The following ZNF704 variants were observed in gnomAD, a reference collection of about 807,000 sequenced individuals.
ZNF704 encodes the protein glucocorticoid induced gene 1.
Under a neutral mutation model 44.7 loss-of-function variants are expected in ZNF704, and 10 were observed. That is an observed-to-expected ratio of 0.22 (90% CI 0.14 to 0.38). The LOEUF is 0.38. ZNF704 is among the 10% of genes least tolerant of loss of function. ZNF704 has a pLI of 1.00. For missense variants in ZNF704, 390 were observed against 545.5 expected (o/e 0.71, Z 2.84); for synonymous variants, 211 against 207.6 (o/e 1.02, Z -0.14).
intron 2 of ZNF704, among the ~76,000 whole-genome samples, chr8:80,734,604 T>C (rs1272638632): frequency 6.6e-6 from 1 of 152,210 alleles, no homozygotes; most frequent in African/African-American, 2.4e-5. Context: ...TATATGTATA[T>C]TTGCAGATAA....
At chr8:80,767,622 T>C (rs1328488395) in intron 2 of ZNF704, among the ~76,000 whole-genome samples, 1 of 152,156 alleles carries the variant, frequency 6.6e-6, no homozygotes, top group African/African-American at 2.4e-5. Flanking sequence ...GTGTAAGCAA[T>C]AACCCTGAAC....
chr8:80,743,014 T>C (rs937076264), intron 2 of ZNF704, among the ~76,000 whole-genome samples: 7 of 151,982 alleles, frequency 4.6e-5, no homozygotes, highest in African/African-American at 1.7e-4. Flanking sequence ...AAATGCTAAT[T>C]AGGCAAAAAC....
At chr8:80,880,691 C>A in the ZNF704 span, among the ~76,000 whole-genome samples, 4,098 of 152,078 alleles carry the variant, frequency 0.027, 204 homozygotes, top group African/African-American at 0.095. Flanking sequence ...TTTTTATAAC[C>A]TCTAGGGAAT....
chr8:80,730,159 T>G (rs1806554229), intron 2 of ZNF704, among the ~76,000 whole-genome samples: 1 of 152,244 alleles, frequency 6.6e-6, no homozygotes, highest in African/African-American at 2.4e-5. Context: ...GTAATTCCTG[T>G]GAAATCATTT....
At chr8:80,768,474 A>C (rs1338717356) in intron 2 of ZNF704, among the ~76,000 whole-genome samples, 1 of 152,170 alleles carries the variant, frequency 6.6e-6, no homozygotes, top group Non-Finnish European at 1.5e-5. Flanking sequence ...ATTCAATAAT[A>C]ATAAGGCATA....
chr8:80,828,431 T>C (rs1383402726), intron 1 of ZNF704, among the ~76,000 whole-genome samples: 1 of 152,156 alleles, frequency 6.6e-6, no homozygotes, highest in Non-Finnish European at 1.5e-5. Flanking sequence ...TAAAGTCCTA[T>C]TGTACAAAGA....
In ZNF704 at chr8:80,635,739, C is replaced by T. The variant is rs1454760970; in HGVS notation, c.*5627G>A. 1 of 152,158 alleles carries T rather than the reference C, an allele frequency of 6.6e-6. No homozygotes were observed. The highest frequency in any genetic ancestry group is 2.4e-5 in the African/African-American group (1 of 41,446). 9.4% of individuals were successfully genotyped at this position (152,158 alleles called of 1,614,324 possible). A position where few individuals can be genotyped will look rare whatever the true frequency, so the allele number is the denominator to read the frequency against. On this transcript the variant is annotated 3_prime_UTR_variant, in exon 9 of 9. Transcript: ENST00000327835. ...TTTAGATTTAAAATATATAAAATGA[C>T]TCTTCAGGCATCTTTTTCCATACTT... is the stretch of plus-strand genomic sequence containing the variant.
chr8:80,766,759 C>G (rs1490082553), intron 2 of ZNF704, among the ~76,000 whole-genome samples: 1 of 152,154 alleles, frequency 6.6e-6, no homozygotes, highest in African/African-American at 2.4e-5. Flanking sequence ...GTGACCCAGG[C>G]TGGAGTGCAG....
chr8:80,791,691 C>T (rs1257964025), intron 2 of ZNF704, among the ~76,000 whole-genome samples: 1 of 151,842 alleles, frequency 6.6e-6, no homozygotes, highest in African/African-American at 2.4e-5. Context: ...AGTCTCCACT[C>T]TGTCTACAGT....
At chr8:80,812,323 C>A in intron 2 of ZNF704, 2 of 188,434 alleles carry the variant, frequency 1.1e-5, no homozygotes, top group South Asian at 2.7e-4. Context: ...GGCTGCTTGT[C>A]ATCTGCAGCA....
upstream of ZNF704, among the ~76,000 whole-genome samples, chr8:80,878,700 CCTGT>C (rs1339394832): frequency 6.6e-6 from 1 of 152,160 alleles, no homozygotes; most frequent in African/African-American, 2.4e-5. Context: ...AGGCTGAAAG[CCTGT>C]CTAAGTCAAG....
chr8:80,672,826 G>C (rs1415668396), intron 4 of ZNF704, among the ~76,000 whole-genome samples: 1 of 152,012 alleles, frequency 6.6e-6, no homozygotes, highest in Non-Finnish European at 1.5e-5. Context: ...TTCACTACCT[G>C]GGTGATAGGC....
chr8:80,631,603 A>G lies in ZNF704; in HGVS notation c.*9763T>C, dbSNP rs928762738. 8 of 152,216 alleles carry G rather than the reference A, an allele frequency of 5.3e-5. No individual in the cohort carries two copies. The highest frequency in any genetic ancestry group is 1.7e-4 in the African/African-American group (7 of 41,444). The allele number at this position is 152,216 out of a possible 1,614,324, so 9.4% of individuals were successfully genotyped here. Reference sequence around the variant, plus strand: ...CATTCCTGGTTCTGATCACTCTATTAGCCTCGCACGTGGAGAGGACCGGTA... The same window carrying G: ...CATTCCTGGTTCTGATCACTCTATTGGCCTCGCACGTGGAGAGGACCGGTA... On this transcript the variant is annotated 3_prime_UTR_variant, in exon 9 of 9. Transcript: ENST00000327835.
intron 2 of ZNF704, among the ~76,000 whole-genome samples, chr8:80,750,531 T>C (rs1806923292): frequency 6.6e-6 from 1 of 152,130 alleles, no homozygotes; most frequent in Admixed American, 6.6e-5. Context: ...TTTTCTTTTT[T>C]TGAGAAGTTG....
At chr8:80,876,485 G>C, upstream of ZNF704, among the ~76,000 whole-genome samples, 1 of 152,158 alleles carries the variant, frequency 6.6e-6, no homozygotes, top group East Asian at 1.9e-4. Context: ...GGAAAGATCG[G>C]GGCAAGGGGT....
rs181542290 is a variant in ZNF704 at position 80,693,123 on chromosome 8, G to A, written c.222-16C>T. 3.2e-3 allele frequency: 5,061 copies of A among 1,598,724 alleles called. 10 individuals carry two copies. Among genetic ancestry groups the A allele is most frequent in the Admixed American group, 8.3e-3 (500 of 60,002 alleles). Reference sequence around the variant, plus strand: ...TGAAGATTTCCTGTAAAACAGGAAGGGACACTGGTGACTGTTCACTCTGCA... The same window carrying A: ...TGAAGATTTCCTGTAAAACAGGAAGAGACACTGGTGACTGTTCACTCTGCA... On this transcript the variant is annotated splice_polypyrimidine_tract_variant and intron_variant, in intron 2 of 8. Coordinates refer to ENST00000327835, the MANE Select transcript of ZNF704 (RefSeq NM_001033723.3).
intron 2 of ZNF704, among the ~76,000 whole-genome samples, chr8:80,779,511 T>A (rs978605854): frequency 2.0e-5 from 3 of 152,144 alleles, no homozygotes; most frequent in African/African-American, 4.8e-5. Context: ...CAGTACCCTA[T>A]TATATAAATA....
intron 2 of ZNF704, among the ~76,000 whole-genome samples, chr8:80,807,341 T>C (rs996722139): frequency 3.9e-5 from 6 of 152,056 alleles, no homozygotes; most frequent in Non-Finnish European, 8.8e-5. Context: ...GAGTCTGCCA[T>C]TGTGTGAGGC....
chr8:80,815,822 G>A (rs192560380), intron 2 of ZNF704, among the ~76,000 whole-genome samples: 102 of 152,290 alleles, frequency 6.7e-4, no homozygotes, highest in Non-Finnish European at 1.1e-3. Flanking sequence ...GGCTGAATTT[G>A]CTTCTGTGTC....
Sources: allele counts gnomAD v4.1 joint callset (sites outside exome capture counted in the v4.1 genomes callset), GRCh38; gene constraint gnomAD v4.1.1; transcripts MANE v1.5; gene names NCBI Gene and HGNC (gene_info 2026-07-23, HGNC 2026-07-21).